The following SGCZ variants were observed in gnomAD, a reference collection of about 807,000 sequenced individuals.
SGCZ encodes the protein sarcoglycan zeta.
A neutral mutation model predicts 41.3 loss-of-function variants in SGCZ; 40 were observed. The ratio of observed to expected loss-of-function variants is 0.97; its 90% CI spans 0.75 to 1.26. The LOEUF is 1.26. SGCZ is among the 50% of genes most tolerant of loss of function. The pLI, the probability that SGCZ is intolerant of heterozygous loss-of-function variation, is 0.00. For missense variants in SGCZ, 552 were observed against 369.8 expected (o/e 1.49, Z -4.04); for synonymous variants, 206 against 137.5 (o/e 1.50, Z -3.49).
rs773329673 is a variant in SGCZ at position 14,261,373 on chromosome 8, AAAGT to A, written c.337-23698_337-23695del. Among the ~76,000 whole-genome samples the A allele has an allele frequency of 4.6e-5, 7 of 152,190 alleles. No individual in the cohort carries two copies. In the East Asian group the frequency reaches 1.2e-3, roughly 25 times the overall value. ...AAAAAATTCAGCGTAGGTTTTAAAG[AAAGT>A]AAGTATTTTGACAGTTTATGTTCTT... On this transcript the variant is annotated intron_variant, in intron 3 of 7. Transcript: ENST00000382080.
intron 1 of SGCZ, among the ~76,000 whole-genome samples, chr8:15,167,202 G>A (rs1345778635): frequency 2.6e-5 from 4 of 152,208 alleles, no homozygotes; most frequent in African/African-American, 7.2e-5. Flanking sequence ...AGTGCAATAA[G>A]AATCCATTTT....
At chr8:14,390,234 G>C (rs184746224) in intron 2 of SGCZ, among the ~76,000 whole-genome samples, 1 of 151,556 alleles carries the variant, frequency 6.6e-6, no homozygotes, top group East Asian at 1.9e-4. Flanking sequence ...AATCATCCTT[G>C]GATACATGGC....
At chr8:15,201,205 G>C (rs1028254974) in intron 1 of SGCZ, among the ~76,000 whole-genome samples, 1 of 152,034 alleles carries the variant, frequency 6.6e-6, no homozygotes, top group East Asian at 1.9e-4. Flanking sequence ...TTATTAGAGA[G>C]GGAGTTTCAC....
At chr8:14,427,030 A>AAATGAATGAATGAATG (rs3068589) in intron 2 of SGCZ, among the ~76,000 whole-genome samples, 1 of 145,274 alleles carries the variant, frequency 6.9e-6, no homozygotes, top group South Asian at 2.1e-4. Flanking sequence ...CAGTAACATT[A>AAATGAATGAATGAATG]AATGAATGAA....
At chr8:14,094,447 C>T (rs1585127600) in intron 7 of SGCZ, among the ~76,000 whole-genome samples, 1 of 152,022 alleles carries the variant, frequency 6.6e-6, no homozygotes, top group Non-Finnish European at 1.5e-5. Flanking sequence ...TCATCCATGT[C>T]CCCGCAAAGG....
At chr8:14,384,330 C>G (rs559081280) in intron 2 of SGCZ, among the ~76,000 whole-genome samples, 1 of 152,024 alleles carries the variant, frequency 6.6e-6, no homozygotes, top group East Asian at 1.9e-4. Flanking sequence ...TTGTTTATTG[C>G]GGCACTGCTC....
chr8:14,425,544 C>A (rs985682208), intron 2 of SGCZ, among the ~76,000 whole-genome samples: 1 of 151,992 alleles, frequency 6.6e-6, no homozygotes. Flanking sequence ...CTGCTTGAAA[C>A]CACGAGGCAG....
At chr8:14,706,078 A>G (rs1809323353) in intron 1 of SGCZ, among the ~76,000 whole-genome samples, 1 of 152,026 alleles carries the variant, frequency 6.6e-6, no homozygotes, top group African/African-American at 2.4e-5. Flanking sequence ...CTTGCTGAAG[A>G]ACCCTATTTT....
At chr8:14,321,671 C>T (rs13270015) in intron 3 of SGCZ, among the ~76,000 whole-genome samples, 8,146 of 152,096 alleles carry the variant, frequency 0.054, 401 homozygotes, top group Admixed American at 0.16. Context: ...TTATTCTACC[C>T]AGCATTTTTT....
intron 1 of SGCZ, among the ~76,000 whole-genome samples, chr8:14,863,747 G>C (rs1392201285): frequency 2.0e-5 from 3 of 152,112 alleles, no homozygotes; most frequent in East Asian, 3.9e-4. Flanking sequence ...CTTCAGAATG[G>C]AGTTACTGCC....
At chr8:14,330,261 A>C (rs61395816) in intron 2 of SGCZ, among the ~76,000 whole-genome samples, 50,391 of 151,946 alleles carry the variant, frequency 0.33, 10,342 homozygotes, top group South Asian at 0.55. Flanking sequence ...TCCTTCCAAC[A>C]GTGGATATGA....
intron 2 of SGCZ, among the ~76,000 whole-genome samples, chr8:14,449,571 T>G (rs1037932): frequency 6.6e-6 from 1 of 152,024 alleles, no homozygotes; most frequent in East Asian, 1.9e-4. Context: ...GGTCAGTTCA[T>G]TGAGTCTGTG....
chr8:14,440,389 T>C (rs2117365520), intron 2 of SGCZ, among the ~76,000 whole-genome samples: 1 of 152,236 alleles, frequency 6.6e-6, no homozygotes, highest in Middle Eastern at 3.4e-3. Flanking sequence ...AAAACAAAAA[T>C]AAAGTGGTCT....
In SGCZ at chr8:14,835,457, T is replaced by C. The variant is rs78634181; in HGVS notation, c.40-280531A>G. Among the ~76,000 whole-genome samples, 151 of 152,344 alleles carry C rather than the reference T, an allele frequency of 9.9e-4. 1 individual carries two copies. The East Asian group carries it at 0.028, about 28-fold the overall frequency. On this transcript the variant is annotated intron_variant, in intron 1 of 7. Transcript: ENST00000382080. ...CAGTTCTCTCCTTTCACTCACTTGATACTAAACTGTGTTTTGGAATTGAAG... is the reference window on the plus strand; with the variant it reads ...CAGTTCTCTCCTTTCACTCACTTGACACTAAACTGTGTTTTGGAATTGAAG...
intron 1 of SGCZ, among the ~76,000 whole-genome samples, chr8:15,148,811 C>T (rs772341104): frequency 2.0e-5 from 3 of 152,122 alleles, no homozygotes; most frequent in African/African-American, 4.8e-5. Flanking sequence ...TAAATTCCAA[C>T]ATATTAACTG....
chr8:14,361,094 A>G (rs1803495825), intron 2 of SGCZ, among the ~76,000 whole-genome samples: 1 of 152,110 alleles, frequency 6.6e-6, no homozygotes, highest in Non-Finnish European at 1.5e-5. Flanking sequence ...TCTTTAGTAA[A>G]ATGTCTCTTC....
intron 2 of SGCZ, among the ~76,000 whole-genome samples, chr8:14,349,549 C>G (rs1298896664): frequency 1.3e-5 from 2 of 152,048 alleles, no homozygotes; most frequent in Non-Finnish European, 2.9e-5. Context: ...GTCATCTTTA[C>G]CTATTCTCCC....
chr8:15,169,219 T>C (rs1365675766), intron 1 of SGCZ, among the ~76,000 whole-genome samples: 2 of 152,102 alleles, frequency 1.3e-5, no homozygotes, highest in East Asian at 1.9e-4. Flanking sequence ...TTCGCCCTTA[T>C]CCCTAATCTA....
At chr8:14,234,326 T>A (rs1806679826) in intron 4 of SGCZ, among the ~76,000 whole-genome samples, 1 of 151,792 alleles carries the variant, frequency 6.6e-6, no homozygotes, top group African/African-American at 2.4e-5. Flanking sequence ...TCCCTGTGAG[T>A]GGAATTAGTA....
Sources: allele counts gnomAD v4.1 joint callset (sites outside exome capture counted in the v4.1 genomes callset), GRCh38; gene constraint gnomAD v4.1.1; transcripts MANE v1.5; gene names NCBI Gene and HGNC (gene_info 2026-07-23, HGNC 2026-07-21).